Variants in NBAS observed in about 807,000 individuals in gnomAD.
The protein encoded by NBAS is NBAS subunit of NRZ tethering complex.
In NBAS, 219 loss-of-function variants were observed where a neutral mutation model predicts 302.5. That is an observed-to-expected ratio of 0.72 (90% confidence interval 0.65 to 0.81). NBAS has a LOEUF of 0.81. Among genes scored for constraint, NBAS ranks in the 30% least tolerant of loss-of-function variants. The pLI, the probability that NBAS is intolerant of heterozygous loss-of-function variation, is 0.00. For missense variants in NBAS, 2,932 were observed against 2,841.6 expected, an observed-to-expected ratio of 1.03 and a Z score of -0.72; for synonymous variants, 1,118 against 1,021.6, an observed-to-expected ratio of 1.09 and a Z score of -1.80.
intron 47 of NBAS, among the ~76,000 whole-genome samples, chr2:15,225,453 C>G (rs543818452): frequency 6.6e-6 from 1 of 152,214 alleles, no homozygotes; most frequent in South Asian, 2.1e-4. Context: ...CCTCACAGAG[C>G]AGGAAGAAGG....
the NBAS span, among the ~76,000 whole-genome samples, chr2:14,936,905 G>C: frequency 2.6e-5 from 4 of 152,152 alleles, no homozygotes; most frequent in African/African-American, 9.7e-5. Context: ...TGCTGGGGAG[G>C]AGACTACCTT....
chr2:15,362,315 C>CAA (rs951972841), intron 32 of NBAS, among the ~76,000 whole-genome samples: 12 of 110,262 alleles, frequency 1.1e-4, no homozygotes, highest in African/African-American at 3.9e-4. Flanking sequence ...TCATCTCTAC[C>CAA]AAAAAAAAAA....
the NBAS span, among the ~76,000 whole-genome samples, chr2:14,965,991 T>A: frequency 1.3e-5 from 2 of 152,098 alleles, no homozygotes; most frequent in East Asian, 3.9e-4. Context: ...TATAAGAATA[T>A]AGAAATTTGA....
the NBAS span, among the ~76,000 whole-genome samples, chr2:15,059,965 A>ACAC: frequency 9.3e-5 from 6 of 64,692 alleles, no homozygotes; most frequent in Non-Finnish European, 9.8e-5. Context: ...AAAAAAAAAC[A>ACAC]AAAAAAAAAA....
At chr2:15,173,477 T>C (rs1201058036) in intron 51 of NBAS, among the ~76,000 whole-genome samples, 1 of 152,220 alleles carries the variant, frequency 6.6e-6, no homozygotes, top group African/African-American at 2.4e-5. Flanking sequence ...TCATATATAC[T>C]ATTACTAATA....
chr2:15,029,289 T>G, the NBAS span, among the ~76,000 whole-genome samples: 1 of 152,226 alleles, frequency 6.6e-6, no homozygotes, highest in African/African-American at 2.4e-5. Flanking sequence ...CTACAAATTC[T>G]AATCAAAGCA....
the NBAS span, among the ~76,000 whole-genome samples, chr2:15,043,309 G>C: frequency 6.6e-6 from 1 of 152,138 alleles, no homozygotes; most frequent in Non-Finnish European, 1.5e-5. Flanking sequence ...TTGGCTCCTA[G>C]TCCTGCTGCC....
At chr2:14,944,709 C>T in the NBAS span, among the ~76,000 whole-genome samples, 4 of 151,640 alleles carry the variant, frequency 2.6e-5, no homozygotes, top group Admixed American at 2.6e-4. Context: ...AGACAGTCCT[C>T]AGGGACACAG....
In NBAS at chr2:15,427,758, A is replaced by G. The variant is rs767227424; in HGVS notation, c.2376T>C (p.His792=). Residue 792 remains histidine, a synonymous_variant, in exon 22 of 52, where the codon CAT becomes CAC. Transcript: ENST00000281513. ...NGDSLMIIPW[H]EHKHRAKDWC... ...AATCTTTAGCTCGGTGTTTATGTTC[A>G]TGCCAAGGAATGATCATCAGGGAGT... is the stretch of plus-strand genomic sequence containing the variant. 5 of 1,613,454 alleles carry G rather than the reference A, an allele frequency of 3.1e-6. No individual in the cohort carries two copies. In the African/African-American group the frequency reaches 4.0e-5, roughly 13 times the overall value.
the NBAS span, among the ~76,000 whole-genome samples, chr2:14,978,500 A>G: frequency 6.6e-6 from 1 of 152,240 alleles, no homozygotes; most frequent in Non-Finnish European, 1.5e-5. Flanking sequence ...ATAAAAATGT[A>G]TTAGAAGAAC....
At chr2:14,902,304 G>A in the NBAS span, among the ~76,000 whole-genome samples, 1 of 152,092 alleles carries the variant, frequency 6.6e-6, no homozygotes, top group South Asian at 2.1e-4. Context: ...GCTAATTTTT[G>A]CATTTTTAGT....
chr2:15,350,468 G>C (rs1045363077), intron 35 of NBAS, among the ~76,000 whole-genome samples: 3 of 152,138 alleles, frequency 2.0e-5, no homozygotes, highest in Non-Finnish European at 4.4e-5. Flanking sequence ...CCGGGCCACT[G>C]TCTTTGATCT....
chr2:14,953,057 G>C, the NBAS span, among the ~76,000 whole-genome samples: 1 of 152,238 alleles, frequency 6.6e-6, no homozygotes, highest in Non-Finnish European at 1.5e-5. Flanking sequence ...GGATGTTCTG[G>C]GTGGAGGAAA....
intron 12 of NBAS, among the ~76,000 whole-genome samples, chr2:15,478,650 T>C (rs1680296504): frequency 6.6e-6 from 1 of 152,198 alleles, no homozygotes; most frequent in Non-Finnish European, 1.5e-5. Context: ...TCCCAGCCAC[T>C]TATAAACTGA....
chr2:15,467,320 A>T lies in NBAS; in HGVS notation c.2097+9T>A. ...GAACATAATTGGTTTGACAAAAATT[A>T]TTCATTACCTCATATGTTGCAAGTC... On this transcript the variant is annotated intron_variant, in intron 19 of 51. Transcript: ENST00000281513. 1.1e-5 allele frequency: 16 copies of T among 1,468,830 alleles called. No homozygotes were observed. Among genetic ancestry groups the T allele is most frequent in the Non-Finnish European group, 1.5e-5 (16 of 1,047,712 alleles). 91.0% of individuals were successfully genotyped at this position (1,468,830 alleles called of 1,614,324 possible).
At chr2:14,797,014 C>T in the NBAS span, among the ~76,000 whole-genome samples, 144 of 147,246 alleles carry the variant, frequency 9.8e-4, 1 homozygote, top group African/African-American at 3.5e-3. Flanking sequence ...GGTGTGAATC[C>T]GGGAGGCGGA....
At chr2:15,065,778 G>A in the NBAS span, among the ~76,000 whole-genome samples, 4 of 152,032 alleles carry the variant, frequency 2.6e-5, no homozygotes, top group African/African-American at 9.7e-5. Flanking sequence ...ACATGTTTAT[G>A]GATTGGAAGA....
intron 35 of NBAS, among the ~76,000 whole-genome samples, chr2:15,338,248 C>T (rs1306903236): frequency 1.3e-5 from 2 of 152,154 alleles, no homozygotes; most frequent in East Asian, 1.9e-4. Flanking sequence ...TATTGGCCTA[C>T]TGTAAACTGA....
intron 38 of NBAS, among the ~76,000 whole-genome samples, chr2:15,313,680 C>T (rs75170601): frequency 6.6e-6 from 1 of 152,238 alleles, no homozygotes; most frequent in African/African-American, 2.4e-5. Context: ...TAAATTCTCA[C>T]TTTGAGCATC....
Sources: allele counts gnomAD v4.1 joint callset (sites outside exome capture counted in the v4.1 genomes callset), GRCh38; gene constraint gnomAD v4.1.1; transcripts MANE v1.5; gene names NCBI Gene and HGNC (gene_info 2026-07-23, HGNC 2026-07-21).